Variants in RCAN2 observed in about 807,000 individuals in gnomAD.
The protein encoded by RCAN2 is regulator of calcineurin 2, also known as calcipressin-2.
Under a neutral mutation model 23.6 loss-of-function variants are expected in RCAN2, and 9 were observed. That is an observed-to-expected ratio of 0.38 (90% CI 0.23 to 0.67). The LOEUF (loss-of-function observed/expected upper bound fraction) is 0.67. RCAN2 is among the 30% of genes least tolerant of loss of function. The pLI is 0.51. For missense variants in RCAN2, 273 were observed against 302.3 expected, an observed-to-expected ratio of 0.90 and a Z score of 0.72; for synonymous variants, 109 against 115.7, an observed-to-expected ratio of 0.94 and a Z score of 0.37.
chr6:46,240,202 C>A (rs1215032863), intron 4 of RCAN2, among the ~76,000 whole-genome samples: 1 of 152,212 alleles, frequency 6.6e-6, no homozygotes, highest in African/African-American at 2.4e-5. Context: ...CAAATGCACA[C>A]ACACACATAC....
intron 2 of RCAN2, among the ~76,000 whole-genome samples, chr6:46,319,593 G>C (rs751550725): frequency 5.9e-5 from 9 of 152,134 alleles, no homozygotes; most frequent in Non-Finnish European, 1.2e-4. Context: ...TGAGAAATCT[G>C]CCTCTGAACC....
At chr6:46,436,711 A>C (rs542611975) in intron 2 of RCAN2, among the ~76,000 whole-genome samples, 5 of 152,224 alleles carry the variant, frequency 3.3e-5, no homozygotes, top group Admixed American at 6.5e-5. Context: ...TGATGTTTAG[A>C]AAGGTTAAAT....
chr6:46,293,404 C>T (rs924200217), intron 2 of RCAN2, among the ~76,000 whole-genome samples: 1 of 152,062 alleles, frequency 6.6e-6, no homozygotes, highest in African/African-American at 2.4e-5. Context: ...TTTTCTACAA[C>T]TTCATGGGTG....
chr6:46,487,422 G>A (rs1769024682), intron 1 of RCAN2, among the ~76,000 whole-genome samples: 1 of 152,114 alleles, frequency 6.6e-6, no homozygotes, highest in Non-Finnish European at 1.5e-5. Flanking sequence ...TATGAAGTAG[G>A]AAACTTTGTC....
intron 2 of RCAN2, among the ~76,000 whole-genome samples, chr6:46,362,334 A>C (rs1268433340): frequency 6.6e-6 from 1 of 152,144 alleles, no homozygotes; most frequent in Non-Finnish European, 1.5e-5. Context: ...ATTTTCTGCA[A>C]ATTGTAGATG....
At chr6:46,300,523 A>T (rs1762872916) in intron 2 of RCAN2, among the ~76,000 whole-genome samples, 1 of 152,030 alleles carries the variant, frequency 6.6e-6, no homozygotes, top group Non-Finnish European at 1.5e-5. Flanking sequence ...ATCCCTGATA[A>T]ATCAAATTAG....
intron 2 of RCAN2, among the ~76,000 whole-genome samples, chr6:46,455,990 G>A (rs1768015947): frequency 1.3e-5 from 2 of 151,990 alleles, no homozygotes; most frequent in South Asian, 4.1e-4. Context: ...TACAAGGGAA[G>A]GTTTAATCCA....
chr6:46,467,583 A>G (rs940145753), intron 1 of RCAN2, among the ~76,000 whole-genome samples: 10 of 152,152 alleles, frequency 6.6e-5, no homozygotes, highest in Admixed American at 2.6e-4. Flanking sequence ...GAAGGAGTAC[A>G]GTGGTTAAGT....
intron 2 of RCAN2, among the ~76,000 whole-genome samples, chr6:46,356,201 C>T (rs537578278): frequency 5.9e-5 from 9 of 152,216 alleles, no homozygotes; most frequent in Non-Finnish European, 1.3e-4. Context: ...CTATAGGCTC[C>T]TATTCACAAA....
At chr6:46,263,013 C>T (rs953359472) in intron 2 of RCAN2, among the ~76,000 whole-genome samples, 1 of 152,170 alleles carries the variant, frequency 6.6e-6, no homozygotes, top group African/African-American at 2.4e-5. Flanking sequence ...GCAAATGTGC[C>T]ATCATTAACT....
chr6:46,327,375 A>G (rs1339203024), intron 2 of RCAN2, among the ~76,000 whole-genome samples: 1 of 152,224 alleles, frequency 6.6e-6, no homozygotes, highest in Middle Eastern at 3.4e-3. Context: ...GGTGCCCTTC[A>G]GCTAGGTAAA....
chr6:46,301,938 T>A (rs926643387), intron 2 of RCAN2, among the ~76,000 whole-genome samples: 1 of 152,094 alleles, frequency 6.6e-6, no homozygotes, highest in East Asian at 1.9e-4. Context: ...AGGGAGCCAC[T>A]GGAAGGTTTT....
At chr6:46,237,055 G>A (rs1357566448) in intron 4 of RCAN2, among the ~76,000 whole-genome samples, 2 of 152,288 alleles carry the variant, frequency 1.3e-5, no homozygotes, top group African/African-American at 4.8e-5. Flanking sequence ...TGTGTTCATA[G>A]CCCCTCTCTG....
intron 2 of RCAN2, among the ~76,000 whole-genome samples, chr6:46,310,804 A>G (rs530746133): frequency 6.8e-4 from 104 of 152,334 alleles, no homozygotes; most frequent in African/African-American, 2.4e-3. Flanking sequence ...CCTTCACAAA[A>G]ATGGATGATG....
intron 2 of RCAN2, among the ~76,000 whole-genome samples, chr6:46,321,353 G>A (rs891607738): frequency 2.0e-5 from 3 of 152,154 alleles, no homozygotes; most frequent in African/African-American, 7.2e-5. Flanking sequence ...GACGTTTATC[G>A]AACTCCTAGG....
intron 2 of RCAN2, chr6:46,325,687 G>A (rs1763774824): frequency 2.2e-6 from 3 of 1,364,068 alleles, no homozygotes; most frequent in East Asian, 2.8e-5. Context: ...GGCCCGGCTC[G>A]CTCATGGCAA....
intron 1 of RCAN2, among the ~76,000 whole-genome samples, chr6:46,481,189 T>G (rs1288219774): frequency 6.6e-6 from 1 of 152,154 alleles, no homozygotes; most frequent in African/African-American, 2.4e-5. Flanking sequence ...GTAAGAAACT[T>G]AAAGTCTACT....
chr6:46,361,491 C>T lies in RCAN2; in HGVS notation c.225+95261G>A, dbSNP rs559922320. On this transcript the variant is annotated intron_variant, in intron 2 of 4. Coordinates refer to ENST00000371374, the MANE Select transcript of RCAN2 (RefSeq NM_001251974.2). ...TATCTAAAACAACAGATTGGACAAC[C>T]TATTTAAAAGTATGTTGATGCTGCA... Among the ~76,000 whole-genome samples, 4 of 152,284 alleles carry T rather than the reference C, an allele frequency of 2.6e-5. No individual in the cohort carries two copies. The South Asian group carries it at 8.3e-4, about 32-fold the overall frequency.
intron 2 of RCAN2, among the ~76,000 whole-genome samples, chr6:46,284,965 C>G (rs967687733): frequency 1.3e-5 from 2 of 152,218 alleles, no homozygotes; most frequent in Non-Finnish European, 2.9e-5. Context: ...GTTCTCTTAT[C>G]TACTTCCACT....
Sources: allele counts gnomAD v4.1 joint callset (sites outside exome capture counted in the v4.1 genomes callset), GRCh38; gene constraint gnomAD v4.1.1; transcripts MANE v1.5; gene names NCBI Gene and HGNC (gene_info 2026-07-23, HGNC 2026-07-21).